The following RMST variants were observed in gnomAD, a reference collection of about 807,000 sequenced individuals.
RMST encodes the protein rhabdomyosarcoma 2 associated transcript.
At chr12:97,511,685 AT>A (rs910408556) in intron 10 of RMST, among the ~76,000 whole-genome samples, 2 of 152,230 alleles carry the variant, frequency 1.3e-5, no homozygotes, top group African/African-American at 4.8e-5. Flanking sequence ...AGTAAGTACT[AT>A]TTTGAAGAGT....
chr12:97,503,356 G>A lies in RMST; in HGVS notation n.1340+7300G>A, dbSNP rs188512914. On this transcript the variant is annotated intron_variant and non_coding_transcript_variant, in intron 10 of 13. Transcript: ENST00000640149. ...TCGACGTGAACTTTGACCACATGGAGACTTTAGTTTGAAAAAATTAAAATG... is the reference window on the plus strand; with the variant it reads ...TCGACGTGAACTTTGACCACATGGAAACTTTAGTTTGAAAAAATTAAAATG... Among the ~76,000 whole-genome samples the A allele has an allele frequency of 4.8e-3, 726 of 151,790 alleles. 7 individuals carry two copies. Among genetic ancestry groups the A allele is most frequent in the African/African-American group, 0.017 (685 of 41,366 alleles).
At chr12:97,463,241 G>C (rs1343190932) in exon 4 of RMST, 1 of 152,286 alleles carries the variant, frequency 6.6e-6, no homozygotes, top group African/African-American at 2.4e-5. Flanking sequence ...GCGAGAGGGG[G>C]CACCGGAGGT....
chr12:97,558,792 CT>C (rs1164899967), intron 11 of RMST, among the ~76,000 whole-genome samples: 1 of 152,084 alleles, frequency 6.6e-6, no homozygotes, highest in Admixed American at 6.6e-5. Context: ...GTAAACTGGG[CT>C]TTTTGTGTTG....
chr12:97,532,652 T>TTTTTG (rs1881754492), intron 11 of RMST: 1 of 149,332 alleles, frequency 6.7e-6, no homozygotes, highest in Non-Finnish European at 1.5e-5. Context: ...CCCGTTTTTT[T>TTTTTG]TTTTTTTTTT....
intron 5 of RMST, among the ~76,000 whole-genome samples, chr12:97,472,029 T>A (rs1343291408): frequency 6.6e-6 from 1 of 152,108 alleles, no homozygotes; most frequent in Non-Finnish European, 1.5e-5. Context: ...AAGATTTTTT[T>A]AAAAAGCTCC....
At chr12:97,497,837 A>G (rs1877621918) in intron 10 of RMST, among the ~76,000 whole-genome samples, 1 of 152,180 alleles carries the variant, frequency 6.6e-6, no homozygotes, top group Non-Finnish European at 1.5e-5. Flanking sequence ...CCCTTCCGCT[A>G]CTGTGGTTTG....
chr12:97,553,949 CTT>C lies in RMST; in HGVS notation n.1546-6568_1546-6567del, dbSNP rs756008010. ...TAATGGTGATTTTTCTTTTCTTTCT[CTT>C]TTTTTTTTTTTTTTTTTTTCTGAGA... On this transcript the variant is annotated intron_variant and non_coding_transcript_variant, in intron 11 of 13. Transcript: ENST00000640149. 6.3e-3 allele frequency among the ~76,000 whole-genome samples: 759 copies of C among 120,248 alleles called. 2 individuals are homozygous for C. The highest frequency in any genetic ancestry group is 0.015 in the African/African-American group (454 of 29,738). 78.9% of individuals were successfully genotyped at this position (120,248 alleles called of 152,430 possible). A position where few individuals can be genotyped will look rare whatever the true frequency, so the allele number is the denominator to read the frequency against.
At chr12:97,471,862 TC>T (rs1210668898) in intron 5 of RMST, among the ~76,000 whole-genome samples, 1 of 152,142 alleles carries the variant, frequency 6.6e-6, no homozygotes, top group Non-Finnish European at 1.5e-5. Flanking sequence ...AGATTTTTTT[TC>T]CTCCATATTA....
rs147679834 is a variant in RMST at position 97,520,766 on chromosome 12, A to G, written n.1341-9889A>G. 2.8e-3 allele frequency among the ~76,000 whole-genome samples: 429 copies of G among 152,312 alleles called. 2 individuals carry two copies. The highest frequency in any genetic ancestry group is 9.8e-3 in the African/African-American group (406 of 41,580). ...GTTTGCATAAAAAATGGGAACTGCC[A>G]ATCTTTGCAATTTAGTCAATTTTAT... On this transcript the variant is annotated intron_variant and non_coding_transcript_variant, in intron 10 of 13. Coordinates refer to ENST00000640149, the Ensembl canonical transcript of RMST.
intron 5 of RMST, among the ~76,000 whole-genome samples, chr12:97,467,662 C>T (rs1009228689): frequency 2.6e-5 from 4 of 151,990 alleles, no homozygotes; most frequent in African/African-American, 4.8e-5. Flanking sequence ...ACCACTATTA[C>T]AGACCAGCTA....
intron 11 of RMST, among the ~76,000 whole-genome samples, chr12:97,559,545 C>T (rs535244474): frequency 4.6e-5 from 7 of 152,032 alleles, no homozygotes; most frequent in East Asian, 1.9e-4. Flanking sequence ...AGATCATAAA[C>T]GCCATGGTCT....
At chr12:97,533,453 T>C (rs1881832744) in intron 11 of RMST, 1 of 151,880 alleles carries the variant, frequency 6.6e-6, no homozygotes, top group Middle Eastern at 3.2e-3. Context: ...TTCTCCATGA[T>C]CTCTGGCAGT....
At chr12:97,506,706 TGTA>T (rs1221979557) in intron 10 of RMST, among the ~76,000 whole-genome samples, 2 of 140,520 alleles carry the variant, frequency 1.4e-5, no homozygotes, top group Non-Finnish European at 3.0e-5. Flanking sequence ...TTTTTGGAGA[TGTA>T]GTCTTGCTCT....
intron 5 of RMST, among the ~76,000 whole-genome samples, chr12:97,466,680 A>C (rs1873230083): frequency 6.6e-6 from 1 of 152,088 alleles, no homozygotes; most frequent in South Asian, 2.1e-4. Flanking sequence ...AATTGAGTAA[A>C]ATGTTTTAAT....
chr12:97,510,139 A>G lies in RMST; in HGVS notation n.1340+14083A>G, dbSNP rs534049473. On this transcript the variant is annotated intron_variant and non_coding_transcript_variant, in intron 10 of 13. Transcript: ENST00000640149. ...AGCATTTATGGAAGACATAGTAAGT[A>G]TCTGCTATGTTTCATTCAAAGAAAT... Among the ~76,000 whole-genome samples the G allele has an allele frequency of 5.3e-5, 8 of 152,350 alleles. No homozygotes were observed. In the South Asian group the frequency reaches 1.2e-3, roughly 24 times the overall value.
chr12:97,473,360 T>C (rs1874160419), intron 5 of RMST, among the ~76,000 whole-genome samples: 1 of 152,162 alleles, frequency 6.6e-6, no homozygotes, highest in African/African-American at 2.4e-5. Context: ...TGAAGGTTTA[T>C]AGTAAAATAC....
intron 11 of RMST, among the ~76,000 whole-genome samples, chr12:97,553,423 G>T (rs1410537658): frequency 6.6e-6 from 1 of 152,174 alleles, no homozygotes; most frequent in Non-Finnish European, 1.5e-5. Flanking sequence ...GTGCTGTTGA[G>T]CTGTGCAACC....
At chr12:97,471,047 A>G (rs553490291) in intron 5 of RMST, among the ~76,000 whole-genome samples, 14 of 152,164 alleles carry the variant, frequency 9.2e-5, no homozygotes, top group African/African-American at 3.4e-4. Context: ...TAAGAGAGAT[A>G]CGTGTCTGCA....
intron 10 of RMST, among the ~76,000 whole-genome samples, chr12:97,496,225 T>C (rs1293306963): frequency 6.6e-6 from 1 of 152,104 alleles, no homozygotes; most frequent in African/African-American, 2.4e-5. Context: ...AAAATTTCAC[T>C]TTTGAGGATT....
Sources: allele counts gnomAD v4.1 joint callset (sites outside exome capture counted in the v4.1 genomes callset), GRCh38; gene constraint gnomAD v4.1.1; transcripts MANE v1.5; gene names NCBI Gene and HGNC (gene_info 2026-07-23, HGNC 2026-07-21).